NSUN3: variants seen among roughly 807,000 people sequenced by gnomAD.
NSUN3 encodes the protein tRNA (cytosine(34)-C(5))-methyltransferase, mitochondrial.
In NSUN3, 24 loss-of-function variants were observed where a neutral mutation model predicts 36.8. That is an observed-to-expected ratio of 0.65 (90% CI 0.47 to 0.92). The LOEUF is 0.92. Ranked by LOEUF, NSUN3 falls within the 40% of genes least tolerant of loss-of-function variation. The probability of loss-of-function intolerance (pLI) is 0.00; values close to 1 mark genes in which losing one functional copy is unlikely to be tolerated. For synonymous variants in NSUN3, 146 were observed against 145.2 expected, an observed-to-expected ratio of 1.01 and a Z score of -0.04; for missense variants, 381 against 392.8, an observed-to-expected ratio of 0.97 and a Z score of 0.25.
At chr3:94,066,480 G>T (rs2077204632) in intron 2 of NSUN3, among the ~76,000 whole-genome samples, 1 of 152,176 alleles carries the variant, frequency 6.6e-6, no homozygotes, top group African/African-American at 2.4e-5. Context: ...GGCCTATTTA[G>T]AAAGTAATTT....
intron 5 of NSUN3, among the ~76,000 whole-genome samples, chr3:94,118,482 T>C (rs2077449228): frequency 6.6e-6 from 1 of 152,134 alleles, no homozygotes; most frequent in East Asian, 1.9e-4. Context: ...ATAATACCAG[T>C]CTTAATACAG....
At chr3:94,091,801 A>C (rs1448082710) in intron 3 of NSUN3, among the ~76,000 whole-genome samples, 2 of 152,228 alleles carry the variant, frequency 1.3e-5, no homozygotes, top group Admixed American at 6.5e-5. Flanking sequence ...GGCAGTGGTG[A>C]ACAATGGCAG....
chr3:94,066,629 A>T (rs1049311660), intron 2 of NSUN3, among the ~76,000 whole-genome samples: 1 of 152,018 alleles, frequency 6.6e-6, no homozygotes, highest in African/African-American at 2.4e-5. Context: ...TTCTTGCTCT[A>T]TTTGTTGCCT....
chr3:94,128,344 T>C lies in NSUN3; in HGVS notation c.*1854T>C, dbSNP rs1468347470. 6.6e-6 allele frequency: 1 copy of C among 152,128 alleles called. No individual in the cohort carries two copies. The highest frequency in any genetic ancestry group is 1.5e-5 in the Non-Finnish European group (1 of 68,016). 9.4% of individuals were successfully genotyped at this position (152,128 alleles called of 1,614,324 possible). A position where few individuals can be genotyped will look rare whatever the true frequency, so the allele number is the denominator to read the frequency against. Reference sequence around the variant, plus strand: ...ATGGTGGAAAAGATGTTTTCTTTTTTAAGTTATCATTATTAGTTTGTTTTT... The same window carrying C: ...ATGGTGGAAAAGATGTTTTCTTTTTCAAGTTATCATTATTAGTTTGTTTTT... On this transcript the variant is annotated 3_prime_UTR_variant, in exon 6 of 6. Coordinates refer to ENST00000314622, the MANE Select transcript of NSUN3 (RefSeq NM_022072.5).
At chr3:94,093,453 A>G (rs1398810805) in intron 3 of NSUN3, among the ~76,000 whole-genome samples, 1 of 152,216 alleles carries the variant, frequency 6.6e-6, no homozygotes, top group East Asian at 1.9e-4. Context: ...GTAACCTGAC[A>G]GAGATTGTCA....
At chr3:94,088,915 G>A (rs1261244044) in intron 3 of NSUN3, among the ~76,000 whole-genome samples, 2 of 151,914 alleles carry the variant, frequency 1.3e-5, no homozygotes. Context: ...GCGATCCACC[G>A]GCCTCGGCCT....
At position 94,094,176 on chromosome 3, in the gene NSUN3, T is replaced by G. The variant is rs2077327757; in HGVS notation, c.503T>G (p.Leu168Trp). The G allele has an allele frequency of 6.2e-7, 1 of 1,612,542 alleles. No homozygotes were observed. Among genetic ancestry groups the G allele is most frequent in the South Asian group, 1.1e-5 (1 of 90,892 alleles). ...LHCNEYDSLRLRWLRQTLESF... is the reference protein window; with the variant it reads ...LHCNEYDSLRWRWLRQTLESF... The stretch of plus-strand genomic sequence containing the variant: ...TGTAATGAATATGATAGTCTGAGAT[T>G]GAGGTGGCTAAGGCAGACGTTGGAA... Residue 168 changes from leucine (L) to tryptophan (W), a missense_variant, in exon 4 of 6, where the codon TTG (leucine) becomes TGG (tryptophan). By Grantham distance (61) the Leu-to-Trp change is moderately conservative. Coordinates refer to ENST00000314622, the MANE Select transcript of NSUN3 (RefSeq NM_022072.5).
At chr3:94,111,753 A>G (rs528019488) in intron 5 of NSUN3, among the ~76,000 whole-genome samples, 112 of 152,036 alleles carry the variant, frequency 7.4e-4, no homozygotes, top group African/African-American at 2.7e-3. Context: ...ACTGTCATCT[A>G]TGATAACAGT....
rs1451063327 is a variant in NSUN3, at chr3:94,115,309, A to C, written c.744-10902A>C. ...TCTACAGTCTTACTTGGTTTTAAAA[A>C]ATGTATAATGCTAGAGTTTCTGAGA... On this transcript the variant is annotated intron_variant, in intron 5 of 5. Transcript: ENST00000314622. 2.0e-5 allele frequency among the ~76,000 whole-genome samples: 3 copies of C among 152,316 alleles called. No individual in the cohort carries two copies. The East Asian group carries it at 5.8e-4, about 29-fold the overall frequency.
chr3:94,085,321 C>CT (rs1048476839), intron 3 of NSUN3: 2 of 152,032 alleles, frequency 1.3e-5, no homozygotes, highest in African/African-American at 4.8e-5. Flanking sequence ...AAAGCTAATT[C>CT]TTTTTTTAAA....
chr3:94,071,908 T>G (rs1576080961), intron 2 of NSUN3, among the ~76,000 whole-genome samples: 2 of 152,148 alleles, frequency 1.3e-5, no homozygotes, highest in South Asian at 4.2e-4. Flanking sequence ...AGCCCCAGGT[T>G]AGCAACCCAC....
chr3:94,102,145 TAACAATCCTTAAAAAG>T (rs2077368318), intron 5 of NSUN3, among the ~76,000 whole-genome samples: 4 of 117,660 alleles, frequency 3.4e-5, no homozygotes, highest in Non-Finnish European at 5.1e-5. Flanking sequence ...ATCATCCAGA[TAACAATCCTTAAAAAG>T]TGGCACTCTG....
At chr3:94,084,526 G>C in intron 3 of NSUN3, 76 bp downstream of exon 3, 2 of 1,132,718 alleles carry the variant, frequency 1.8e-6, no homozygotes, top group Non-Finnish European at 2.5e-6. Context: ...AGTATATATG[G>C]GGAGAAACGT....
intron 5 of NSUN3, among the ~76,000 whole-genome samples, chr3:94,117,339 T>G (rs998048287): frequency 6.6e-6 from 1 of 152,026 alleles, no homozygotes; most frequent in African/African-American, 2.4e-5. Flanking sequence ...TTACAGAGCT[T>G]TTTGGATTTC....
intron 5 of NSUN3, among the ~76,000 whole-genome samples, chr3:94,117,569 A>G (rs889630591): frequency 6.6e-6 from 1 of 152,174 alleles, no homozygotes; most frequent in African/African-American, 2.4e-5. Context: ...TGATACACTG[A>G]AAGACAAGCA....
intron 5 of NSUN3, among the ~76,000 whole-genome samples, chr3:94,104,200 ATGAT>A (rs755762008): frequency 2.6e-5 from 4 of 152,166 alleles, no homozygotes; most frequent in Non-Finnish European, 4.4e-5. Context: ...ACCTGTGAAC[ATGAT>A]TTAGAGAATT....
chr3:94,115,822 T>A (rs971891343), intron 5 of NSUN3, among the ~76,000 whole-genome samples: 2 of 152,174 alleles, frequency 1.3e-5, no homozygotes, highest in Non-Finnish European at 2.9e-5. Context: ...AGAAAGAGAA[T>A]TTATATTTTT....
At chr3:94,109,369 C>G (rs1202362184) in intron 5 of NSUN3, among the ~76,000 whole-genome samples, 1 of 152,100 alleles carries the variant, frequency 6.6e-6, no homozygotes, top group Non-Finnish European at 1.5e-5. Flanking sequence ...AGAAGTATTG[C>G]TAGCTATGTA....
In NSUN3 at chr3:94,130,980, A is replaced by G. The variant is rs2077506832; in HGVS notation, c.*4490A>G. On this transcript the variant is annotated 3_prime_UTR_variant, in exon 6 of 6. Transcript: ENST00000314622. The stretch of plus-strand genomic sequence containing the variant: ...CCAGCTAGAGTGCAGTGGTGTCATC[A>G]TGGCTCACTGCAGCCTCGACTTCCT... Among the ~76,000 whole-genome samples the G allele has an allele frequency of 6.6e-6, 1 of 151,754 alleles. No homozygotes were observed. Among genetic ancestry groups the G allele is most frequent in the Non-Finnish European group, 1.5e-5 (1 of 67,950 alleles).
Sources: gnomAD v4.1 joint callset for allele counts (sites outside exome capture counted in the v4.1 genomes callset) on GRCh38, gnomAD v4.1.1 for gene constraint, MANE v1.5 for transcripts, NCBI Gene and HGNC (gene_info 2026-07-23, HGNC 2026-07-21) for gene names.